The following SPTA1 variants were observed in gnomAD, a reference collection of about 807,000 sequenced individuals.
The protein encoded by SPTA1 is spectrin alpha, erythrocytic 1.
Under a neutral mutation model 324.7 loss-of-function variants are expected in SPTA1, and 177 were observed. The ratio of observed to expected loss-of-function variants is 0.55; its 90% CI spans 0.48 to 0.62. The LOEUF (loss-of-function observed/expected upper bound fraction) is 0.62, where lower values mean the gene tolerates loss of function less well. SPTA1 is among the 20% of genes least tolerant of loss of function. The pLI is 0.00. For missense variants in SPTA1, 3,162 were observed against 2,883.6 expected (o/e 1.10, Z -2.21); for synonymous variants, 1,195 against 1,041.3 (o/e 1.15, Z -2.84).
At chr1:158,679,703 C>A (rs1185434221) in intron 5 of SPTA1, among the ~76,000 whole-genome samples, 1 of 152,076 alleles carries the variant, frequency 6.6e-6, no homozygotes, top group Non-Finnish European at 1.5e-5. Flanking sequence ...AACAGCCCAG[C>A]AGAGCAGCTC....
At position 158,678,491 on chromosome 1, in the gene SPTA1, T is replaced by A; in HGVS notation, c.722A>T (p.Glu241Val). 1 of 1,613,714 alleles carries A rather than the reference T, an allele frequency of 6.2e-7. No individual in the cohort carries two copies. The highest frequency in any genetic ancestry group is 8.5e-7 in the Non-Finnish European group (1 of 1,179,752). Residue 241 changes from glutamate to valine, a missense_variant, in exon 6 of 52, where the codon GAG becomes GTG. By Grantham distance (121) the Glu-to-Val change is moderately radical. Coordinates refer to ENST00000643759, the MANE Select transcript of SPTA1 (RefSeq NM_003126.4). ...AAGGCGCTCCCAGGCAGCATTCACC[T>A]CATTTTGCTTAGACTGAATTAAGGG... is the stretch of plus-strand genomic sequence containing the variant. ...DLPLIQSKQN[E>V]VNAAWERLRG...
intron 35 of SPTA1, 162 bp downstream of exon 35, chr1:158,639,420 T>C (rs913973379): frequency 2.8e-6 from 2 of 717,176 alleles, no homozygotes; most frequent in African/African-American, 1.7e-5. Context: ...TTTTAATGTC[T>C]TCACAGCCCG....
Position 158,619,252 on chromosome 1 carries a change from C to T in SPTA1, c.6500G>A (p.Ser2167Asn). ...TTCCAGGATCCATTGAAGGAAGGTACTGGCATTCTGTTCAAACTCCTGACA... is the reference window on the plus strand; with the variant it reads ...TTCCAGGATCCATTGAAGGAAGGTATTGGCATTCTGTTCAAACTCCTGACA... ...EMCQEFEQNA[S>N]TFLQWILETR... is the part of the protein sequence containing the mutation. The change falls in exon 45 of 52, where the codon AGT becomes AAT. Residue 2167 changes from serine (S) to asparagine (N), a missense_variant. Ser to Asn is a conservative substitution (Grantham distance 46, BLOSUM62 1). Coordinates refer to ENST00000643759, the MANE Select transcript of SPTA1 (RefSeq NM_003126.4). The T allele has an allele frequency of 6.2e-7, 1 of 1,614,130 alleles. No individual in the cohort carries two copies.
chr1:158,680,004 C>T (rs1001801554), intron 5 of SPTA1, among the ~76,000 whole-genome samples: 1 of 152,082 alleles, frequency 6.6e-6, no homozygotes, highest in Admixed American at 6.6e-5. Flanking sequence ...ATATAGCCAA[C>T]TGTTGGAGTT....
At chr1:158,656,504 A>G in intron 20 of SPTA1, 60 bp downstream of exon 20, 1 of 1,476,332 alleles carries the variant, frequency 6.8e-7, no homozygotes, top group Admixed American at 1.7e-5. Flanking sequence ...AGCAATAAAG[A>G]CAATTTCTTT....
At chr1:158,686,424 A>C (rs1394254264) in intron 1 of SPTA1, 70 bp downstream of exon 1, 1 of 1,086,824 alleles carries the variant, frequency 9.2e-7, no homozygotes, top group African/African-American at 1.6e-5. Context: ...GATAGTATAG[A>C]AAGTTTAAAG....
chr1:158,617,860 G>A (rs975242750), intron 46 of SPTA1, among the ~76,000 whole-genome samples, 179 bp downstream of exon 46: 4 of 152,226 alleles, frequency 2.6e-5, no homozygotes, highest in Admixed American at 6.5e-5. Flanking sequence ...GCAAGATTCC[G>A]TCTAGTGAAG....
intron 43 of SPTA1, among the ~76,000 whole-genome samples, chr1:158,622,059 T>C (rs1483930190): frequency 6.6e-6 from 1 of 152,130 alleles, no homozygotes; most frequent in African/African-American, 2.4e-5. Context: ...AGAGACGGTG[T>C]TTCACCGTGT....
chr1:158,641,510 G>A (rs186355790), intron 33 of SPTA1, among the ~76,000 whole-genome samples: 2 of 152,286 alleles, frequency 1.3e-5, no homozygotes, highest in African/African-American at 4.8e-5. Flanking sequence ...GATATGAATA[G>A]ACACTTCTCA....
intron 12 of SPTA1, among the ~76,000 whole-genome samples, chr1:158,671,004 T>C (rs148680847): frequency 2.3e-4 from 35 of 152,044 alleles, no homozygotes; most frequent in African/African-American, 4.6e-4. Context: ...AAAACATGGC[T>C]ACCATCTAGA....
At chr1:158,642,367 C>T in intron 33 of SPTA1, 44 bp downstream of exon 33, 6 of 1,600,936 alleles carry the variant, frequency 3.7e-6, no homozygotes, top group South Asian at 1.1e-5. Flanking sequence ...TAAATGATTC[C>T]TCTTCATGTG....
chr1:158,616,030 T>C (rs115133377), intron 47 of SPTA1, among the ~76,000 whole-genome samples: 3,245 of 152,272 alleles, frequency 0.021, 44 homozygotes, highest in Non-Finnish European at 0.035. Context: ...ATTCTGATGA[T>C]TGTGGAGTGC....
At chr1:158,666,101 G>T (rs1293930246) in intron 16 of SPTA1, among the ~76,000 whole-genome samples, 1 of 151,794 alleles carries the variant, frequency 6.6e-6, no homozygotes, top group African/African-American at 2.4e-5. Context: ...TTTACCTTTG[G>T]TTCTTTGCTC....
intron 33 of SPTA1, among the ~76,000 whole-genome samples, chr1:158,640,610 A>C (rs1036829539): frequency 3.3e-5 from 5 of 152,110 alleles, no homozygotes; most frequent in Non-Finnish European, 7.4e-5. Context: ...TCCACCTTAC[A>C]AGGGATGTGA....
In SPTA1 at chr1:158,645,374, A is replaced by G; in HGVS notation, c.4008T>C (p.Ala1336=). The G allele has an allele frequency of 6.2e-7, 1 of 1,613,996 alleles. No homozygotes were observed. The highest frequency in any genetic ancestry group is 8.5e-7 in the Non-Finnish European group (1 of 1,179,920). The change falls in exon 29 of 52, where the codon GCT becomes GCC. Residue 1336 remains alanine, a synonymous_variant. Transcript: ENST00000643759. The part of the protein sequence containing the change: ...ILLERHQEHR[A]DMEAEAPTFQ... ...AGGTGGGAGCCTCTGCCTCCATGTCAGCACGGTGCTCCTGTGGGAAAAAGG... is the reference window on the plus strand; with the variant it reads ...AGGTGGGAGCCTCTGCCTCCATGTCGGCACGGTGCTCCTGTGGGAAAAAGG...
chr1:158,647,781 G>A, intron 26 of SPTA1, 61 bp from the exon 27 acceptor site: 1 of 1,577,806 alleles, frequency 6.3e-7, no homozygotes, highest in Non-Finnish European at 8.7e-7. Context: ...TTAGCAAAAG[G>A]AGAATCCTGA....
At chr1:158,639,758 T>C (rs1038122443) in intron 34 of SPTA1, 72 bp from the exon 35 acceptor site, 34 of 1,610,612 alleles carry the variant, frequency 2.1e-5, no homozygotes, top group Non-Finnish European at 2.9e-5. Context: ...TCAGCAGCTA[T>C]GTCCCCAAAC....
In SPTA1 at chr1:158,643,017, C is replaced by T. The variant is rs745824885; in HGVS notation, c.4443-41G>A. 7 of 1,611,486 alleles carry T rather than the reference C, an allele frequency of 4.3e-6. No homozygotes were observed. In the East Asian group the frequency reaches 1.6e-4, roughly 36 times the overall value. The stretch of plus-strand genomic sequence containing the variant: ...AAATCACTCTATGCCCTCCTCCACC[C>T]TTCCCATGCTCTGATGCCATATCCA... On this transcript the variant is annotated intron_variant, in intron 31 of 51. Transcript: ENST00000643759.
Position 158,645,513 on chromosome 1 carries a change from G to A in SPTA1, c.3978C>T (p.Ile1326=). 1 of 1,614,016 alleles carries A rather than the reference G, an allele frequency of 6.2e-7. No homozygotes were observed. Among genetic ancestry groups the A allele is most frequent in the Non-Finnish European group, 8.5e-7 (1 of 1,179,944 alleles). Residue 1326 remains isoleucine (I), a synonymous_variant, in exon 28 of 52, where the codon ATC becomes ATT. Coordinates refer to ENST00000643759, the MANE Select transcript of SPTA1 (RefSeq NM_003126.4). The part of the protein sequence containing the change: ...ELAEDLTGIE[I]LLERHQEHRA... Reference sequence around the variant, plus strand: ...GTTTTACCTGATGTCTCTCCAGCAAGATCTCTATGCCAGTTAAGTCTTCGG... The same window carrying A: ...GTTTTACCTGATGTCTCTCCAGCAAAATCTCTATGCCAGTTAAGTCTTCGG...
Sources: gnomAD v4.1 joint callset for allele counts (sites outside exome capture counted in the v4.1 genomes callset) on GRCh38, gnomAD v4.1.1 for gene constraint, MANE v1.5 for transcripts, NCBI Gene and HGNC (gene_info 2026-07-23, HGNC 2026-07-21) for gene names.